Variants in BCR observed in about 807,000 individuals in gnomAD.
BCR encodes BCR activator of RhoGEF and GTPase.
In BCR, 58 loss-of-function variants were observed where a neutral mutation model predicts 138.6. That is an observed-to-expected ratio of 0.42 (90% confidence interval 0.34 to 0.52). BCR has a LOEUF of 0.52. BCR is among the 20% of genes least tolerant of loss of function. The probability of loss-of-function intolerance (pLI) is 0.06; values close to 1 mark genes in which losing one functional copy is unlikely to be tolerated. For missense variants in BCR, 1,599 were observed against 1,727.2 expected (o/e 0.93, Z 1.32); for synonymous variants, 786 against 730.1 (o/e 1.08, Z -1.23).
chr22:23,239,972 A>G (rs895751984), intron 1 of BCR, among the ~76,000 whole-genome samples: 1 of 152,070 alleles, frequency 6.6e-6, no homozygotes, highest in Non-Finnish European at 1.5e-5. Context: ...CTTGACCACC[A>G]TACCTGGCTA....
At chr22:23,261,729 GC>G in intron 4 of BCR, 189 bp downstream of exon 4, 2 of 414,110 alleles carry the variant, frequency 4.8e-6, no homozygotes, top group Non-Finnish European at 8.2e-6. Flanking sequence ...GCCATGCCCA[GC>G]CTTTTTTTTT....
chr22:23,287,972 C>T (rs374063921), intron 11 of BCR, 125 bp from the exon 12 acceptor site: 32 of 895,860 alleles, frequency 3.6e-5, no homozygotes, highest in South Asian at 3.5e-4. Flanking sequence ...GCCGTGAGCA[C>T]ACCTGGCCAC....
chr22:23,207,347 G>A (rs1421664230), intron 1 of BCR, among the ~76,000 whole-genome samples: 1 of 152,182 alleles, frequency 6.6e-6, no homozygotes, highest in Non-Finnish European at 1.5e-5. Flanking sequence ...ATCTTGAATG[G>A]ACTCAAAAGG....
At chr22:23,299,425 C>A (rs986958639) in intron 16 of BCR, among the ~76,000 whole-genome samples, 4 of 152,206 alleles carry the variant, frequency 2.6e-5, no homozygotes, top group African/African-American at 7.2e-5. Context: ...ACGAGACCTA[C>A]ATGGCCCTGA....
intron 1 of BCR, among the ~76,000 whole-genome samples, chr22:23,193,240 A>G (rs570470690): frequency 3.6e-4 from 55 of 152,248 alleles, no homozygotes; most frequent in Non-Finnish European, 6.6e-4. Flanking sequence ...CAGGCAACAT[A>G]TGTTGACAGT....
chr22:23,258,153 C>T (rs113996247), intron 2 of BCR, among the ~76,000 whole-genome samples: 1,565 of 152,262 alleles, frequency 0.01, 25 homozygotes, highest in African/African-American at 0.035. Context: ...TGTATAAATG[C>T]ATATATATAC....
intron 8 of BCR, among the ~76,000 whole-genome samples, chr22:23,275,963 C>A (rs540809104): frequency 1.3e-5 from 2 of 152,280 alleles, no homozygotes; most frequent in African/African-American, 2.4e-5. Flanking sequence ...GAATCCACTG[C>A]TTTGGGGAAT....
chr22:23,185,919 C>G (rs1220007371), intron 1 of BCR, among the ~76,000 whole-genome samples: 1 of 151,880 alleles, frequency 6.6e-6, no homozygotes, highest in East Asian at 2.0e-4. Flanking sequence ...TTAGTAGAGA[C>G]GGGGTTTCAC....
chr22:23,256,541 A>G (rs1229192911), intron 2 of BCR, among the ~76,000 whole-genome samples: 1 of 152,192 alleles, frequency 6.6e-6, no homozygotes, highest in Non-Finnish European at 1.5e-5. Context: ...GACAATGTCC[A>G]GTCTGTTGGT....
At chr22:23,253,700 G>T in intron 1 of BCR, 99 bp from the exon 2 acceptor site, 2 of 1,415,516 alleles carry the variant, frequency 1.4e-6, no homozygotes, top group Non-Finnish European at 1.9e-6. Context: ...GATGCCTGTT[G>T]GGGACAGAGA....
chr22:23,273,409 A>G (rs2073532257), intron 7 of BCR, among the ~76,000 whole-genome samples: 1 of 152,212 alleles, frequency 6.6e-6, no homozygotes, highest in Admixed American at 6.5e-5. Flanking sequence ...CTTCTTGGCC[A>G]TGTGCATGCA....
intron 16 of BCR, among the ~76,000 whole-genome samples, chr22:23,296,532 C>G (rs555844031): frequency 6.6e-6 from 1 of 152,314 alleles, no homozygotes. Context: ...TTCTGCCACC[C>G]TGGCCTGGCT....
intron 16 of BCR, among the ~76,000 whole-genome samples, chr22:23,299,694 T>TTA (rs10532946): frequency 0.024 from 3,459 of 145,812 alleles, 56 homozygotes; most frequent in East Asian, 0.1. Flanking sequence ...GATCTAGAGT[T>TTA]TATATATATA....
At chr22:23,190,118 T>A (rs1384036721) in intron 1 of BCR, among the ~76,000 whole-genome samples, 1 of 152,196 alleles carries the variant, frequency 6.6e-6, no homozygotes, top group African/African-American at 2.4e-5. Flanking sequence ...GCACATGGTC[T>A]TTTTCTCTGT....
At chr22:23,274,331 A>T (rs2073546475) in intron 8 of BCR, among the ~76,000 whole-genome samples, 1 of 152,128 alleles carries the variant, frequency 6.6e-6, no homozygotes, top group African/African-American at 2.4e-5. Context: ...CTCTGTGTGC[A>T]CATCATCGAT....
intron 11 of BCR, 90 bp downstream of exon 11, chr22:23,287,368 G>A (rs1365746082): frequency 1.3e-5 from 19 of 1,437,852 alleles, no homozygotes; most frequent in Middle Eastern, 2.5e-4. Context: ...ACTTGGATGC[G>A]CCCCACTCTG....
chr22:23,197,158 A>G (rs2072494568), intron 1 of BCR, among the ~76,000 whole-genome samples: 1 of 152,206 alleles, frequency 6.6e-6, no homozygotes, highest in South Asian at 2.1e-4. Context: ...TACATTTGGT[A>G]TGTTTAGAAA....
chr22:23,198,402 G>C, intron 1 of BCR: 1 of 443,936 alleles, frequency 2.3e-6, no homozygotes, highest in South Asian at 1.6e-5. Context: ...GATGTGTTTG[G>C]GTCTATGGGA....
chr22:23,280,754 A>G (rs1261191706), intron 8 of BCR, among the ~76,000 whole-genome samples: 1 of 152,232 alleles, frequency 6.6e-6, no homozygotes. Flanking sequence ...TAGTTATTCA[A>G]GAAGACAGGT....
Sources: gnomAD v4.1 joint callset for allele counts (sites outside exome capture counted in the v4.1 genomes callset) on GRCh38, gnomAD v4.1.1 for gene constraint, MANE v1.5 for transcripts, NCBI Gene and HGNC (gene_info 2026-07-23, HGNC 2026-07-21) for gene names.